ZNF221: variants seen among roughly 807,000 people sequenced by gnomAD.
ZNF221 encodes zinc finger protein 221.
ZNF221 carries 10 observed loss-of-function variants against 12.6 expected under a neutral mutation model. The observed-to-expected ratio is 0.79, with a 90% confidence interval of 0.49 to 1.34. The LOEUF (loss-of-function observed/expected upper bound fraction) is 1.34. Among genes scored for constraint, ZNF221 ranks in the 40% most tolerant of loss-of-function variants. The pLI, the probability that ZNF221 is intolerant of heterozygous loss-of-function variation, is 0.00. For missense variants in ZNF221, 661 were observed against 721.4 expected (o/e 0.92, Z 0.96); for synonymous variants, 232 against 244.0 (o/e 0.95, Z 0.46).
chr19:43,954,812 A>G (rs2049185502), intron 1 of ZNF221, among the ~76,000 whole-genome samples: 1 of 152,140 alleles, frequency 6.6e-6, no homozygotes, highest in Non-Finnish European at 1.5e-5. Context: ...TAATCATTAT[A>G]CTGGTGTTCT....
At chr19:43,975,576 A>G in the ZNF221 span, among the ~76,000 whole-genome samples, 1 of 152,138 alleles carries the variant, frequency 6.6e-6, no homozygotes, top group East Asian at 1.9e-4. Context: ...CAGAATAGCT[A>G]ATGGATGCTG....
chr19:43,959,582 A>G (rs1974811260), intron 1 of ZNF221, among the ~76,000 whole-genome samples: 1 of 151,962 alleles, frequency 6.6e-6, no homozygotes. Context: ...TTCATGTGAG[A>G]TCTGGTTGTT....
At chr19:43,952,077 G>A (rs377934) in intron 1 of ZNF221, among the ~76,000 whole-genome samples, 52,364 of 150,458 alleles carry the variant, frequency 0.35, 9,253 homozygotes, top group Middle Eastern at 0.45. Context: ...GTTTCACCGT[G>A]TTAGCCAGGA....
chr19:43,964,271 G>T (rs906901619), intron 2 of ZNF221, among the ~76,000 whole-genome samples: 2 of 151,954 alleles, frequency 1.3e-5, no homozygotes, highest in Non-Finnish European at 2.9e-5. Flanking sequence ...TTGAAAAAAC[G>T]ATACCAGGTG....
At chr19:43,954,595 A>G (rs947999210) in intron 1 of ZNF221, among the ~76,000 whole-genome samples, 2 of 152,166 alleles carry the variant, frequency 1.3e-5, no homozygotes, top group African/African-American at 4.8e-5. Flanking sequence ...TGTTAGCCCA[A>G]TTTTGCCAGA....
At position 43,967,480 on chromosome 19, in the gene ZNF221, CTTTTTT is replaced by C; in HGVS notation, c.*135_*140del. The C allele has an allele frequency of 7.4e-6, 4 of 539,348 alleles. No homozygotes were observed. Among genetic ancestry groups the C allele is most frequent in the Non-Finnish European group, 9.5e-6 (3 of 316,340 alleles). 33.4% of individuals were successfully genotyped at this position (539,348 alleles called of 1,614,324 possible). A position where few individuals can be genotyped will look rare whatever the true frequency, so the allele number is the denominator to read the frequency against. ...GAAGAGCTTTGTACATAGATCATAT[CTTTTTT>C]TTTTTTTTTTGAGACAGAGTCTCAC... On this transcript the variant is annotated 3_prime_UTR_variant, in exon 5 of 5. Coordinates refer to ENST00000587682, the MANE Select transcript of ZNF221 (RefSeq NM_001297588.2).
intron 1 of ZNF221, among the ~76,000 whole-genome samples, chr19:43,953,497 T>A (rs2147330048): frequency 6.6e-6 from 1 of 152,252 alleles, no homozygotes; most frequent in Non-Finnish European, 1.5e-5. Context: ...CATTGGCCAC[T>A]GGTGATCAGC....
At position 43,966,792 on chromosome 19, in the gene ZNF221, A is replaced by G. The variant is rs776103367; in HGVS notation, c.1290A>G (p.Gly430=). ...TCAAATGTGAAGAATGTGGGAAGGG[A>G]TTTTATACAAATTCACGACGATCTT... ...KSFKCEECGK[G]FYTNSRRSSH... Residue 430 remains glycine, a synonymous_variant, in exon 5 of 5, where the codon GGA becomes GGG. Transcript: ENST00000587682. 6.2e-7 allele frequency: 1 copy of G among 1,614,168 alleles called. No individual in the cohort carries two copies. Among genetic ancestry groups the G allele is most frequent in the African/African-American group, 1.3e-5 (1 of 75,026 alleles).
In ZNF221 at chr19:43,965,929, A is replaced by G. The variant is rs773200874; in HGVS notation, c.427A>G (p.Ser143Gly). 3.7e-6 allele frequency: 6 copies of G among 1,614,122 alleles called. No individual in the cohort carries two copies. Among genetic ancestry groups the G allele is most frequent in the Non-Finnish European group, 5.1e-6 (6 of 1,180,038 alleles). The change falls in exon 5 of 5, where the codon AGC (serine) becomes GGC (glycine). Residue 143 changes from serine to glycine, a missense_variant. Ser to Gly is a moderately conservative substitution (Grantham distance 56). Coordinates refer to ENST00000587682, the MANE Select transcript of ZNF221 (RefSeq NM_001297588.2). ...LTRSQNSIRN[S>G]SQFFKEGDVP... is the part of the protein sequence containing the mutation. The stretch of plus-strand genomic sequence containing the variant: ...CAGGTCTCAAAACTCCATAAGGAAC[A>G]GCTCTCAGTTCTTCAAAGAAGGTGA...
At chr19:43,962,602 G>C (rs413061) in intron 1 of ZNF221, 123 bp from the exon 2 acceptor site, 331,250 of 914,856 alleles carry the variant, frequency 0.36, 60,967 homozygotes, top group Middle Eastern at 0.46. Context: ...TTGCAGTTTG[G>C]GGTTATGAGT....
chr19:43,965,861 G>T lies in ZNF221; in HGVS notation c.359G>T (p.Trp120Leu), dbSNP rs1974937287. 1 of 1,613,688 alleles carries T rather than the reference G, an allele frequency of 6.2e-7. No homozygotes were observed. Among genetic ancestry groups the T allele is most frequent in the Non-Finnish European group, 8.5e-7 (1 of 1,179,716 alleles). The change falls in exon 5 of 5, where the codon TGG becomes TTG. Residue 120 changes from tryptophan (W) to leucine (L), a missense_variant. By Grantham distance (61) the Trp-to-Leu change is moderately conservative. Transcript: ENST00000587682. ...CCAGAAGCAGGACCACATGAAGAGTGGTCCTGTCAGCAAATATGGGAACAA... is the reference window on the plus strand; with the variant it reads ...CCAGAAGCAGGACCACATGAAGAGTTGTCCTGTCAGCAAATATGGGAACAA... ...TVPEAGPHEE[W>L]SCQQIWEQIA...
At chr19:43,971,576 A>T (rs1244147821), downstream of ZNF221, among the ~76,000 whole-genome samples, 1 of 152,156 alleles carries the variant, frequency 6.6e-6, no homozygotes, top group Non-Finnish European at 1.5e-5. Context: ...TACCAAGAAA[A>T]TGGAAATCAG....
In ZNF221 at chr19:43,966,633, T is replaced by C. The variant is rs781444356; in HGVS notation, c.1131T>C (p.Cys377=). Residue 377 remains cysteine, a synonymous_variant, in exon 5 of 5, where the codon TGT becomes TGC. Transcript: ENST00000587682. ...AGCAATGTGGAAAAGGCTTCATTTG[T>C]AGGCGAGATTTTTGTAAGCATCAGA... The part of the protein sequence containing the change: ...KCEQCGKGFI[C]RRDFCKHQMV... The C allele has an allele frequency of 6.2e-7, 1 of 1,614,014 alleles. No homozygotes were observed. Among genetic ancestry groups the C allele is most frequent in the African/African-American group, 1.3e-5 (1 of 74,904 alleles).
At chr19:43,959,024 C>T (rs924457355) in intron 1 of ZNF221, among the ~76,000 whole-genome samples, 1 of 151,486 alleles carries the variant, frequency 6.6e-6, no homozygotes, top group Non-Finnish European at 1.5e-5. Context: ...GTGTCTGCAT[C>T]AGGTGTTTAC....
intron 1 of ZNF221, among the ~76,000 whole-genome samples, chr19:43,956,735 G>C (rs1974761783): frequency 6.6e-6 from 1 of 152,160 alleles, no homozygotes; most frequent in Non-Finnish European, 1.5e-5. Context: ...ATCAGCAGAG[G>C]ATCCACCAAA....
chr19:43,962,192 T>C (rs1300891724), intron 1 of ZNF221, among the ~76,000 whole-genome samples: 2 of 152,164 alleles, frequency 1.3e-5, no homozygotes, highest in African/African-American at 4.8e-5. Flanking sequence ...TTACATGTCA[T>C]AGAATTTACC....
downstream of ZNF221, among the ~76,000 whole-genome samples, chr19:43,970,458 T>A (rs74667861): frequency 0.04 from 6,078 of 152,162 alleles, 176 homozygotes; most frequent in African/African-American, 0.088. Context: ...AAGTGGGTAA[T>A]GAACTTTGCT....
chr19:43,974,761 G>A, the ZNF221 span, among the ~76,000 whole-genome samples: 1 of 152,154 alleles, frequency 6.6e-6, no homozygotes, highest in Non-Finnish European at 1.5e-5. Context: ...TCAAAGTGCT[G>A]TAATCCCAAA....
chr19:43,955,450 G>A (rs963055813), intron 1 of ZNF221, among the ~76,000 whole-genome samples: 27 of 152,174 alleles, frequency 1.8e-4, no homozygotes, highest in African/African-American at 5.6e-4. Context: ...GGAGCACATG[G>A]GGATATCTGC....
Sources: gnomAD v4.1 joint callset for allele counts (sites outside exome capture counted in the v4.1 genomes callset) on GRCh38, gnomAD v4.1.1 for gene constraint, MANE v1.5 for transcripts, NCBI Gene and HGNC (gene_info 2026-07-23, HGNC 2026-07-21) for gene names.